PPEF1: variants seen among roughly 807,000 people sequenced by gnomAD.
PPEF1 encodes the protein serine/threonine-protein phosphatase with EF-hands 1.
A neutral mutation model predicts 53.3 loss-of-function variants in PPEF1; 12 were observed. The observed-to-expected ratio is 0.23, with a 90% CI of 0.14 to 0.36. PPEF1 has a LOEUF of 0.36. PPEF1 is among the 10% of genes least tolerant of loss of function. The probability of loss-of-function intolerance (pLI) is 1.00; values close to 1 mark genes in which losing one functional copy is unlikely to be tolerated. For synonymous variants in PPEF1, 165 were observed against 176.7 expected (o/e 0.93, Z 0.52); for missense variants, 334 against 490.4 (o/e 0.68, Z 3.01).
intron 10 of PPEF1, 34 bp downstream of exon 10, chrX:18,789,307 A>G (rs2046281850): frequency 2.6e-6 from 3 of 1,174,392 alleles, no homozygotes; most frequent in African/African-American, 1.8e-5. Context: ...CAGTGGCAAC[A>G]ATGACACTAG....
At position 18,753,147 on chromosome X, in the gene PPEF1, G is replaced by A. The variant is rs190048734; in HGVS notation, c.396+3195G>A. ...TTGGCCTTGGACTTTTCTTTGTTAG[G>A]AGGTTTTTGATGACTGATCCAATCT... On this transcript the variant is annotated intron_variant, in intron 4 of 15. Coordinates refer to ENST00000470157, the MANE Select transcript of PPEF1 (RefSeq NM_001377996.1). Among the ~76,000 whole-genome samples, 160 of 111,372 alleles carry A rather than the reference G, an allele frequency of 1.4e-3. 1 individual carries two copies. Among genetic ancestry groups the A allele is most frequent in the Non-Finnish European group, 1.8e-3 (97 of 52,963 alleles).
At chrX:18,741,914 A>T (rs1267955525) in intron 3 of PPEF1, among the ~76,000 whole-genome samples, 2 of 107,609 alleles carry the variant, frequency 1.9e-5, no homozygotes, top group African/African-American at 6.8e-5. Flanking sequence ...AGCAATTCTC[A>T]TGCCTCCCGA....
At chrX:18,825,236 T>G (rs750308347) in intron 14 of PPEF1, among the ~76,000 whole-genome samples, 27 of 111,033 alleles carry the variant, frequency 2.4e-4, no homozygotes, top group African/African-American at 8.8e-4. Flanking sequence ...AGATGAGACG[T>G]TAAGAGCAGA....
At chrX:18,707,122 C>T (rs2044219330), upstream of PPEF1, among the ~76,000 whole-genome samples, 1 of 109,156 alleles carries the variant, frequency 9.2e-6, no homozygotes, top group African/African-American at 3.5e-5. Context: ...CCACTGCGAC[C>T]GGCTGCCTCC....
chrX:18,758,355 G>T (rs927729095), intron 5 of PPEF1, among the ~76,000 whole-genome samples: 1 of 112,219 alleles, frequency 8.9e-6, no homozygotes, highest in Non-Finnish European at 1.9e-5. Flanking sequence ...TGACAGTGGG[G>T]TGCGTGGAAG....
upstream of PPEF1, among the ~76,000 whole-genome samples, chrX:18,702,909 A>G (rs1439340483): frequency 9.0e-6 from 1 of 111,120 alleles, no homozygotes; most frequent in Non-Finnish European, 1.9e-5. Context: ...CCACTAGGAC[A>G]TTCTTGGGCG....
chrX:18,749,743 T>TGCGGGGGGGGGGGGGGGGGGGGGG, intron 3 of PPEF1, 49 bp from the exon 4 acceptor site: 1 of 330,453 alleles, frequency 3.0e-6, no homozygotes, highest in Admixed American at 3.9e-5. Context: ...ATTGAAATGT[T>TGCGGGGGGGGGGGGGGGGGGGGGG]GATTCCCACC....
At chrX:18,697,712 A>G (rs377705021) in intron 4 of PPEF1, 1 of 111,660 alleles carries the variant, frequency 9.0e-6, no homozygotes, top group East Asian at 2.8e-4. Flanking sequence ...TCAATATCCA[A>G]TCATGTGTAT....
At chrX:18,777,355 CATA>C (rs2045987085) in intron 6 of PPEF1, among the ~76,000 whole-genome samples, 1 of 112,107 alleles carries the variant, frequency 8.9e-6, no homozygotes, top group East Asian at 2.8e-4. Context: ...AATGTATATA[CATA>C]ATAAGATACT....
chrX:18,750,234 C>T (rs776860942), intron 4 of PPEF1, among the ~76,000 whole-genome samples: 1 of 111,574 alleles, frequency 9.0e-6, no homozygotes, highest in Non-Finnish European at 1.9e-5. Flanking sequence ...CTTTTTCACG[C>T]ATTCACAGGA....
intron 4 of PPEF1, among the ~76,000 whole-genome samples, chrX:18,697,607 T>C (rs755693915): frequency 1.8e-5 from 2 of 111,274 alleles, no homozygotes; most frequent in South Asian, 3.8e-4. Context: ...ACCTGTTTTA[T>C]TAGATATTTT....
At chrX:18,735,752 A>G (rs1228213405) in intron 3 of PPEF1, among the ~76,000 whole-genome samples, 5 of 112,023 alleles carry the variant, frequency 4.5e-5, no homozygotes, top group Non-Finnish European at 7.5e-5. Context: ...GATTCTTCCT[A>G]TTCATGAACA....
intron 3 of PPEF1, among the ~76,000 whole-genome samples, chrX:18,741,132 T>C (rs2045149791): frequency 8.9e-6 from 1 of 111,815 alleles, no homozygotes; most frequent in African/African-American, 3.3e-5. Context: ...ACCTAAGGAA[T>C]GGGGAGTGGG....
chrX:18,783,979 C>A lies in PPEF1; in HGVS notation c.843C>A (p.Ile281=), dbSNP rs774928593. 2.5e-6 allele frequency: 3 copies of A among 1,207,079 alleles called. No individual in the cohort carries two copies. Among genetic ancestry groups the A allele is most frequent in the Middle Eastern group, 2.3e-4 (1 of 4,350 alleles). ...LPIGTIVDNE[I]LVIHGGISET... ...TCGGTACAATCGTTGACAATGAAAT[C>A]CTGGTCATCCATGGTGGGATATCAG... The change falls in exon 9 of 16, where the codon ATC becomes ATA. Residue 281 remains isoleucine, a synonymous_variant. Transcript: ENST00000470157.
At chrX:18,712,683 T>A (rs962293120) in intron 1 of PPEF1, among the ~76,000 whole-genome samples, 5 of 112,263 alleles carry the variant, frequency 4.5e-5, no homozygotes, top group African/African-American at 1.6e-4. Context: ...ATCCTTGTCT[T>A]GTTCCTGATC....
intron 1 of PPEF1, among the ~76,000 whole-genome samples, chrX:18,713,695 T>C (rs989139200): frequency 9.0e-6 from 1 of 111,448 alleles, no homozygotes; most frequent in African/African-American, 3.2e-5. Context: ...CAGTTGAAAA[T>C]AATGAATACT....
At chrX:18,747,271 G>A (rs1295410755) in intron 3 of PPEF1, among the ~76,000 whole-genome samples, 1 of 111,006 alleles carries the variant, frequency 9.0e-6, no homozygotes, top group African/African-American at 3.3e-5. Context: ...TCTGAAGAGA[G>A]GATCATGCTG....
At chrX:18,768,966 G>A (rs189021610) in intron 6 of PPEF1, among the ~76,000 whole-genome samples, 4 of 112,323 alleles carry the variant, frequency 3.6e-5, no homozygotes, top group African/African-American at 1.3e-4. Flanking sequence ...ATCATGAAGG[G>A]AAGTTTTGGA....
intron 12 of PPEF1, among the ~76,000 whole-genome samples, chrX:18,813,402 T>C (rs957170532): frequency 5.7e-5 from 6 of 105,893 alleles, no homozygotes; most frequent in African/African-American, 2.1e-4. Context: ...AAAAAAACAA[T>C]TGATTTTTGG....
Sources: gnomAD v4.1 joint callset for allele counts (sites outside exome capture counted in the v4.1 genomes callset) on GRCh38, gnomAD v4.1.1 for gene constraint, MANE v1.5 for transcripts, NCBI Gene and HGNC (gene_info 2026-07-23, HGNC 2026-07-21) for gene names.